MACF1: variants seen among roughly 807,000 people sequenced by gnomAD.
The protein encoded by MACF1 is microtubule actin crosslinking factor 1.
In MACF1, 193 loss-of-function variants were observed where a neutral mutation model predicts 854.8. That is an observed-to-expected ratio of 0.23 (90% CI 0.20 to 0.25). The LOEUF is 0.25. Among genes scored for constraint, MACF1 ranks in the 10% least tolerant of loss-of-function variants. The probability of loss-of-function intolerance (pLI) is 1.00; values close to 1 mark genes in which losing one functional copy is unlikely to be tolerated. For missense variants in MACF1, 7,722 were observed against 8,929.1 expected (o/e 0.86, Z 5.45); for synonymous variants, 3,185 against 3,226.7 (o/e 0.99, Z 0.44).
At chr1:39,241,099 G>A (rs1644917946) in intron 2 of MACF1, among the ~76,000 whole-genome samples, 1 of 149,960 alleles carries the variant, frequency 6.7e-6, no homozygotes, top group South Asian at 2.1e-4. Context: ...GACAAATTTG[G>A]CCAATGAATC....
chr1:39,363,815 A>T (rs1207941504), intron 49 of MACF1, among the ~76,000 whole-genome samples: 3 of 151,956 alleles, frequency 2.0e-5, no homozygotes, highest in African/African-American at 7.3e-5. Flanking sequence ...GGGTTTCACC[A>T]TGTTGGCCAG....
rs1644534386 is a variant in MACF1, at chr1:39,460,545, C to G, written c.21361-87C>G. ...GATGGCCCCTGGAAGCATGGCTTTA[C>G]TGAATGTCTGAAAGTTTGGGTATGC... is the stretch of plus-strand genomic sequence containing the variant. On this transcript the variant is annotated intron_variant, in intron 91 of 100. Transcript: ENST00000564288. This position sits in a 1 kb window ranked among gnomAD's most constrained non-coding sequence, Gnocchi z 4.1. 8.6e-7 allele frequency: 1 copy of G among 1,158,476 alleles called. No homozygotes were observed. Among genetic ancestry groups the G allele is most frequent in the African/African-American group, 1.5e-5 (1 of 65,898 alleles). The allele number at this position is 1,158,476 out of a possible 1,614,324, so 71.8% of individuals were successfully genotyped here.
At chr1:39,474,625 C>T (rs1025046355) in intron 97 of MACF1, among the ~76,000 whole-genome samples, 2 of 152,052 alleles carry the variant, frequency 1.3e-5, no homozygotes, top group African/African-American at 4.8e-5. Context: ...ACCGGGGAAG[C>T]GGAGGTTGTG....
chr1:39,311,047 T>C (rs760831970), intron 26 of MACF1, 47 bp downstream of exon 26: 4 of 1,578,264 alleles, frequency 2.5e-6, no homozygotes, highest in Non-Finnish European at 2.6e-6. Context: ...GTGAATGCTT[T>C]CAGAGTTCAT....
chr1:39,370,983 G>A (rs1236176747), intron 51 of MACF1, among the ~76,000 whole-genome samples: 3 of 152,098 alleles, frequency 2.0e-5, no homozygotes, highest in Admixed American at 2.0e-4. Context: ...AAAATATTCT[G>A]TGAGTAAAGC....
At chr1:39,224,937 C>T (rs1016784800) in intron 1 of MACF1, among the ~76,000 whole-genome samples, 1 of 152,164 alleles carries the variant, frequency 6.6e-6, no homozygotes. Context: ...GTAATCCCAG[C>T]GTTTTGGGAG....
In MACF1 at chr1:39,424,095, T is replaced by C; in HGVS notation, c.16217T>C (p.Ile5406Thr). ...ATGCTTCAAGCAGAAGGAGGCAGAA[T>C]AGCCCAGTCAGCAGAGCTGGCTGAT... ...VDMLQAEGGR[I>T]AQSAELADRE... is the part of the protein sequence containing the mutation. The change falls in exon 61 of 101, where the codon ATA becomes ACA. Residue 5406 changes from isoleucine to threonine, a missense_variant. Coordinates refer to ENST00000564288, the MANE Select transcript of MACF1 (RefSeq NM_001394062.1). 6.2e-7 allele frequency: 1 copy of C among 1,612,092 alleles called. No individual in the cohort carries two copies. The highest frequency in any genetic ancestry group is 8.5e-7 in the Non-Finnish European group (1 of 1,179,698).
At position 39,409,764 on chromosome 1, in the gene MACF1, G is replaced by A. The variant is rs1262714936; in HGVS notation, c.15817-12610G>A. On this transcript the variant is annotated intron_variant, in intron 58 of 100. Coordinates refer to ENST00000564288, the MANE Select transcript of MACF1 (RefSeq NM_001394062.1). This position sits in a 1 kb window ranked among gnomAD's most constrained non-coding sequence, Gnocchi z 4.2. ...ACGAATGGCTAATTCAGACCAGCTG[G>A]ACTCTCCAGGGCTGGAACTGAGGAT... 6.5e-6 allele frequency: 1 copy of A among 152,880 alleles called. No individual in the cohort carries two copies. The highest frequency in any genetic ancestry group is 1.5e-5 in the Non-Finnish European group (1 of 68,570). The allele number at this position is 152,880 out of a possible 1,614,324, so 9.5% of individuals were successfully genotyped here.
At chr1:39,412,947 G>C in intron 58 of MACF1, 1 of 1,599,064 alleles carries the variant, frequency 6.3e-7, no homozygotes, top group Non-Finnish European at 8.5e-7. Context: ...TAGAGGAGGA[G>C]GATGTCACAG....
intron 2 of MACF1, among the ~76,000 whole-genome samples, chr1:39,197,242 T>TAC (rs1280093906): frequency 6.6e-6 from 1 of 151,660 alleles, no homozygotes; most frequent in African/African-American, 2.4e-5. Context: ...AATATAAATA[T>TAC]ATACACACAC....
chr1:39,158,382 T>G (rs2148205098), intron 2 of MACF1, among the ~76,000 whole-genome samples: 1 of 152,344 alleles, frequency 6.6e-6, no homozygotes, highest in South Asian at 2.1e-4. Context: ...GTGCCTCCTC[T>G]GTTGTGTGGC....
rs781460593 is a variant in MACF1 at position 39,335,489 on chromosome 1, G to A, written c.8901G>A (p.Met2967Ile). The A allele has an allele frequency of 6.2e-7, 1 of 1,614,188 alleles. No individual in the cohort carries two copies. The highest frequency in any genetic ancestry group is 1.1e-5 in the South Asian group (1 of 91,070). ...GTGAGCAGGTTTTGCAGCAACCAATGAATGCTCGGGTGAAAAGTAAGAGAG... is the reference window on the plus strand; with the variant it reads ...GTGAGCAGGTTTTGCAGCAACCAATAAATGCTCGGGTGAAAAGTAAGAGAG... ...LPSEQVLQQP[M>I]NARVKSKREK... The change falls in exon 37 of 101, where the codon ATG (methionine) becomes ATA (isoleucine). Residue 2967 changes from methionine (M) to isoleucine (I), a missense_variant. Transcript: ENST00000564288.
intron 2 of MACF1, among the ~76,000 whole-genome samples, chr1:39,233,644 G>A (rs1011770078): frequency 4.6e-5 from 7 of 152,060 alleles, no homozygotes; most frequent in Non-Finnish European, 1.0e-4. Context: ...TACTGCAGGT[G>A]AGCATGATTT....
In MACF1 at chr1:39,440,894, C is replaced by G; in HGVS notation, c.18448-109C>G. On this transcript the variant is annotated intron_variant, in intron 72 of 100. Coordinates refer to ENST00000564288, the MANE Select transcript of MACF1 (RefSeq NM_001394062.1). ...TTAGTGTCCAGATAAGTGAAACTGA[C>G]AGTTATGTTGAGCATCTGCTATTGA... is the stretch of plus-strand genomic sequence containing the variant. The G allele has an allele frequency of 2.9e-6, 3 of 1,044,670 alleles. No homozygotes were observed. In the South Asian group the frequency reaches 4.4e-5, roughly 15 times the overall value. The allele number at this position is 1,044,670 out of a possible 1,614,324, so 64.7% of individuals were successfully genotyped here.
intron 17 of MACF1, 30 bp downstream of exon 17, chr1:39,292,873 G>A: frequency 6.4e-7 from 1 of 1,563,558 alleles, no homozygotes; most frequent in Non-Finnish European, 8.8e-7. Context: ...CTTACATTCT[G>A]CTCATAGAGT....
rs976154892 is a variant in MACF1, at chr1:39,359,177, G to A, written c.12157G>A (p.Val4053Met). ...GGAATTGGCTGAGCACCAAGTACCT[G>A]TGGAAAAACTCCAAAAAGTAGCTCG... ...QEELAEHQVP[V>M]EKLQKVARDI... The change falls in exon 47 of 101, where the codon GTG (valine) becomes ATG (methionine). Residue 4053 changes from valine (V) to methionine (M), a missense_variant. Physicochemically the swap from Val to Met is conservative, Grantham distance 21. Coordinates refer to ENST00000564288, the MANE Select transcript of MACF1 (RefSeq NM_001394062.1). 5.6e-6 allele frequency: 9 copies of A among 1,614,132 alleles called. No individual in the cohort carries two copies. Among genetic ancestry groups the A allele is most frequent in the Non-Finnish European group, 5.9e-6 (7 of 1,180,012 alleles).
Position 39,284,073 on chromosome 1 carries a change from A to G in MACF1, c.923A>G (p.Asp308Gly). The G allele has an allele frequency of 9.3e-6, 15 of 1,613,902 alleles. No homozygotes were observed. The highest frequency in any genetic ancestry group is 1.3e-5 in the Non-Finnish European group (15 of 1,179,918). ...TTTACCTTCTGGCAATAGGAAGTGGACTCCAGGTGGCAAGAATACCAAAGC... is the reference window on the plus strand; with the variant it reads ...TTTACCTTCTGGCAATAGGAAGTGGGCTCCAGGTGGCAAGAATACCAAAGC... ...GGEGISATEV[D>G]SRWQEYQSRV... Residue 308 changes from aspartate to glycine, a missense_variant, in exon 10 of 101, where the codon GAC becomes GGC. Physicochemically the swap from Asp to Gly is moderately conservative, Grantham distance 94. This residue lies in a region of MACF1 where 97 missense variants were observed against 130.4 expected (regional missense o/e 0.74). Coordinates refer to ENST00000564288, the MANE Select transcript of MACF1 (RefSeq NM_001394062.1).
At chr1:39,099,782 G>A (rs1229470447) in intron 2 of MACF1, among the ~76,000 whole-genome samples, 1 of 152,174 alleles carries the variant, frequency 6.6e-6, no homozygotes, top group Non-Finnish European at 1.5e-5. Context: ...GTTAGGCCCA[G>A]TGATGAAGAA....
At chr1:39,361,976 A>G (rs1320816344) in intron 49 of MACF1, among the ~76,000 whole-genome samples, 2 of 152,210 alleles carry the variant, frequency 1.3e-5, no homozygotes, top group Non-Finnish European at 2.9e-5. Flanking sequence ...ATAAGCTTTC[A>G]TGATTACTGC....
Sources: gnomAD v4.1 joint callset for allele counts (sites outside exome capture counted in the v4.1 genomes callset) on GRCh38, gnomAD v4.1.1 for gene constraint, gnomAD v4.1.1 regional missense constraint, Gnocchi (gnomAD v3.1) non-coding constraint, MANE v1.5 for transcripts, NCBI Gene and HGNC (gene_info 2026-07-23, HGNC 2026-07-21) for gene names.